HRH2: variants seen among roughly 807,000 people sequenced by gnomAD.
The protein encoded by HRH2 is histamine H2 receptor.
A neutral mutation model predicts 20.1 loss-of-function variants in HRH2; 4 were observed. That is an observed-to-expected ratio of 0.20 (90% CI 0.10 to 0.45). The LOEUF (loss-of-function observed/expected upper bound fraction) is 0.45. Ranked by LOEUF, HRH2 falls within the 20% of genes least tolerant of loss-of-function variation. HRH2 has a pLI of 0.99. For synonymous variants in HRH2, 197 were observed against 200.7 expected, an observed-to-expected ratio of 0.98 and a Z score of 0.16; for missense variants, 250 against 461.6, an observed-to-expected ratio of 0.54 and a Z score of 4.20.
intron 1 of HRH2, among the ~76,000 whole-genome samples, chr5:175,675,218 AAGCATTCTTT>A: frequency 6.6e-6 from 1 of 152,332 alleles, no homozygotes; most frequent in South Asian, 2.1e-4. Context: ...GTCATGAAGT[AAGCATTCTTT>A]ATATGCCAAT....
chr5:175,669,504 C>T (rs1755440248), intron 1 of HRH2, among the ~76,000 whole-genome samples: 1 of 152,052 alleles, frequency 6.6e-6, no homozygotes, highest in Non-Finnish European at 1.5e-5. Context: ...GCTGGCATTA[C>T]AGGCACACAC....
chr5:175,660,011 G>A (rs1323671813), intron 1 of HRH2, among the ~76,000 whole-genome samples: 1 of 152,100 alleles, frequency 6.6e-6, no homozygotes, highest in African/African-American at 2.4e-5. Flanking sequence ...CTCAGCCTAG[G>A]CCGATTCTCC....
chr5:175,699,139 G>A (rs1331340285), intron 2 of HRH2, among the ~76,000 whole-genome samples: 1 of 152,188 alleles, frequency 6.6e-6, no homozygotes, highest in Non-Finnish European at 1.5e-5. Context: ...TCCTTTCATG[G>A]GCAGAGGGCT....
chr5:175,681,737 T>G lies in HRH2; in HGVS notation c.-525-972T>G, dbSNP rs909270565. ...CCCTAATGCCCGTGAGAGGGTGATGTGGGGATGATAGGATAAACCTATTCA... is the reference window on the plus strand; with the variant it reads ...CCCTAATGCCCGTGAGAGGGTGATGGGGGGATGATAGGATAAACCTATTCA... On this transcript the variant is annotated intron_variant, in intron 1 of 2. Transcript: ENST00000636584. This position sits in a 1 kb window ranked among gnomAD's most constrained non-coding sequence, Gnocchi z 4.3. 2.0e-4 allele frequency among the ~76,000 whole-genome samples: 30 copies of G among 152,170 alleles called. No individual in the cohort carries two copies. Among genetic ancestry groups the G allele is most frequent in the African/African-American group, 6.8e-4 (28 of 41,450 alleles).
intron 2 of HRH2, among the ~76,000 whole-genome samples, chr5:175,698,080 G>T (rs1234427792): frequency 6.6e-6 from 1 of 152,256 alleles, no homozygotes; most frequent in Non-Finnish European, 1.5e-5. Context: ...TTGCGTGCAA[G>T]CAGACCTGCC....
chr5:175,671,912 G>C (rs757531283), intron 1 of HRH2, among the ~76,000 whole-genome samples: 1 of 152,126 alleles, frequency 6.6e-6, no homozygotes, highest in Non-Finnish European at 1.5e-5. Context: ...AGTAAGCCCC[G>C]CATCGATGGA....
rs549084230 is a variant in HRH2 at position 175,686,637 on chromosome 5, C to T, written c.1076+2328C>T. Among the ~76,000 whole-genome samples, 2 of 152,342 alleles carry T rather than the reference C, an allele frequency of 1.3e-5. No individual in the cohort carries two copies. The highest frequency in any genetic ancestry group is 4.8e-5 in the African/African-American group (2 of 41,580). Reference sequence around the variant, plus strand: ...AGCCCAGATGGGGCTGGCGCATGGGCCCGGGAGCCCATCCCGGAGAGGAGA... The same window carrying T: ...AGCCCAGATGGGGCTGGCGCATGGGTCCGGGAGCCCATCCCGGAGAGGAGA... On this transcript the variant is annotated intron_variant, in intron 2 of 2. Coordinates refer to ENST00000636584, the MANE Select transcript of HRH2 (RefSeq NM_001367711.1). The surrounding 1 kb of genome is among the most constrained non-coding windows in gnomAD (Gnocchi z 4.7).
chr5:175,669,340 G>C (rs1377378994), intron 1 of HRH2, among the ~76,000 whole-genome samples: 1 of 150,640 alleles, frequency 6.6e-6, no homozygotes, highest in Non-Finnish European at 1.5e-5. Flanking sequence ...TCCTGGAACT[G>C]TGCTTGTAAG....
chr5:175,668,805 A>G (rs1257326746), intron 1 of HRH2, among the ~76,000 whole-genome samples: 1 of 152,152 alleles, frequency 6.6e-6, no homozygotes, highest in Non-Finnish European at 1.5e-5. Flanking sequence ...AAGGGCAGCA[A>G]GGTCATGGCA....
In HRH2 at chr5:175,707,053, CG is replaced by C. The variant is rs1756947904; in HGVS notation, c.1077-722del. Among the ~76,000 whole-genome samples, 4 of 152,282 alleles carry C rather than the reference CG, an allele frequency of 2.6e-5. No individual in the cohort carries two copies. In the South Asian group the frequency reaches 8.3e-4, roughly 32 times the overall value. On this transcript the variant is annotated intron_variant, in intron 2 of 2. Coordinates refer to ENST00000636584, the MANE Select transcript of HRH2 (RefSeq NM_001367711.1). ...AAGATTCGGAAATGGCACACTTTGA[CG>C]GGGCTCCTACTACCAGACAGCCTGT... is the stretch of plus-strand genomic sequence containing the variant.
At chr5:175,674,886 C>T (rs935100512) in intron 1 of HRH2, among the ~76,000 whole-genome samples, 5 of 152,198 alleles carry the variant, frequency 3.3e-5, no homozygotes, top group African/African-American at 1.2e-4. Flanking sequence ...CCTGCAACCA[C>T]AAAGATGCAA....
chr5:175,688,099 T>G (rs1756235960), intron 2 of HRH2, among the ~76,000 whole-genome samples: 3 of 152,310 alleles, frequency 2.0e-5, no homozygotes, highest in Admixed American at 2.0e-4. Context: ...TCACGTCACC[T>G]TCTGCTCTGC....
chr5:175,670,380 G>C (rs765340288), intron 1 of HRH2, among the ~76,000 whole-genome samples: 10 of 152,152 alleles, frequency 6.6e-5, no homozygotes, highest in Non-Finnish European at 1.3e-4. Context: ...GAACCCAACA[G>C]CACTCCTCAG....
chr5:175,667,460 A>G (rs1259054302), intron 1 of HRH2, among the ~76,000 whole-genome samples: 2 of 102,070 alleles, frequency 2.0e-5, no homozygotes, highest in East Asian at 3.3e-4. Context: ...CCACCCCCCA[A>G]AAAAAGAAAA....
chr5:175,668,676 G>A (rs1233533401), intron 1 of HRH2, among the ~76,000 whole-genome samples: 1 of 152,144 alleles, frequency 6.6e-6, no homozygotes, highest in Non-Finnish European at 1.5e-5. Context: ...GGGCCGGCTA[G>A]GAGGAAGGGC....
At chr5:175,663,103 T>C (rs1379192937) in intron 1 of HRH2, among the ~76,000 whole-genome samples, 1 of 152,244 alleles carries the variant, frequency 6.6e-6, no homozygotes, top group East Asian at 1.9e-4. Context: ...TTTGGGGCTA[T>C]AATGAATAAT....
intron 2 of HRH2, among the ~76,000 whole-genome samples, chr5:175,695,446 G>A (rs548518725): frequency 6.6e-6 from 1 of 152,300 alleles, no homozygotes; most frequent in Non-Finnish European, 1.5e-5. Flanking sequence ...GAGTAGGTAG[G>A]AGAAAACCCT....
intron 1 of HRH2, 124 bp downstream of exon 1, chr5:175,658,279 T>A (rs1282883769): frequency 6.6e-6 from 1 of 152,004 alleles, no homozygotes; most frequent in Non-Finnish European, 1.5e-5. Context: ...GCGGCCGTCG[T>A]GGCCCCGAAC....
chr5:175,693,248 G>A lies in HRH2; in HGVS notation c.1076+8939G>A, dbSNP rs2113538771. Among the ~76,000 whole-genome samples, 1 of 152,328 alleles carries A rather than the reference G, an allele frequency of 6.6e-6. No homozygotes were observed. The highest frequency in any genetic ancestry group is 2.1e-4 in the South Asian group (1 of 4,830). On this transcript the variant is annotated intron_variant, in intron 2 of 2. Coordinates refer to ENST00000636584, the MANE Select transcript of HRH2 (RefSeq NM_001367711.1). The surrounding 1 kb of genome is among the most constrained non-coding windows in gnomAD (Gnocchi z 4.4). ...GGCTGTTTGTGGCAGAGCATTCAGAGGGTGGAAGGGGGTGTGCCTGCATTG... is the reference window on the plus strand; with the variant it reads ...GGCTGTTTGTGGCAGAGCATTCAGAAGGTGGAAGGGGGTGTGCCTGCATTG...
Sources: allele counts gnomAD v4.1 joint callset (sites outside exome capture counted in the v4.1 genomes callset), GRCh38; gene constraint gnomAD v4.1.1; non-coding constraint Gnocchi (gnomAD v3.1); transcripts MANE v1.5; gene names NCBI Gene and HGNC (gene_info 2026-07-23, HGNC 2026-07-21).